The following APBB2 variants were observed in gnomAD, a reference collection of about 807,000 sequenced individuals.
APBB2 encodes Fe65-like 1.
A neutral mutation model predicts 82.5 loss-of-function variants in APBB2; 38 were observed. The ratio of observed to expected loss-of-function variants is 0.46; its 90% confidence interval spans 0.36 to 0.60. The LOEUF (loss-of-function observed/expected upper bound fraction) is 0.60, where lower values mean the gene tolerates loss of function less well. Among genes scored for constraint, APBB2 ranks in the 20% least tolerant of loss-of-function variants. APBB2 has a pLI of 0.00. For synonymous variants in APBB2, 341 were observed against 368.2 expected (o/e 0.93, Z 0.85); for missense variants, 772 against 972.3 (o/e 0.79, Z 2.74).
Position 41,140,728 on chromosome 4 carries a change from CCT to C in APBB2, c.-261+2257_-261+2258del, listed in dbSNP as rs1283642778. ...TCACGTTACCTCCTGGGCTCTGCCC[CCT>C]GACAGATCAGTGGCAGCATTAGATT... On this transcript the variant is annotated intron_variant, in intron 2 of 17. Transcript: ENST00000508593. Among the ~76,000 whole-genome samples, 7 of 152,288 alleles carry C rather than the reference CCT, an allele frequency of 4.6e-5. No homozygotes were observed. In the East Asian group the frequency reaches 9.6e-4, roughly 21 times the overall value.
intron 4 of APBB2, among the ~76,000 whole-genome samples, chr4:41,042,133 G>A (rs923248879): frequency 6.6e-6 from 1 of 152,078 alleles, no homozygotes; most frequent in African/African-American, 2.4e-5. Context: ...TGGGACTACA[G>A]GTGCGCACCA....
chr4:41,164,331 C>A (rs943095504), intron 1 of APBB2, among the ~76,000 whole-genome samples: 2 of 152,178 alleles, frequency 1.3e-5, no homozygotes, highest in Non-Finnish European at 2.9e-5. Context: ...GGGTACTCAC[C>A]TTGTACACTG....
chr4:41,193,774 A>C, intron 1 of APBB2: 1 of 153,702 alleles, frequency 6.5e-6, no homozygotes, highest in Non-Finnish European at 1.4e-5. Flanking sequence ...GAGAGAGAAA[A>C]CACACCCATG....
intron 6 of APBB2, among the ~76,000 whole-genome samples, chr4:40,988,317 A>G (rs75333443): frequency 0.11 from 16,305 of 152,248 alleles, 984 homozygotes; most frequent in Middle Eastern, 0.17. Flanking sequence ...CTACTTCCCA[A>G]CAACCCACTG....
At chr4:40,910,723 A>C (rs573112080) in intron 10 of APBB2, among the ~76,000 whole-genome samples, 112 of 152,364 alleles carry the variant, frequency 7.4e-4, no homozygotes, top group East Asian at 1.2e-3. Flanking sequence ...AAGACACTCG[A>C]GCTTGAGACA....
intron 10 of APBB2, among the ~76,000 whole-genome samples, chr4:40,932,506 A>G (rs1027461083): frequency 2.0e-5 from 3 of 152,174 alleles, no homozygotes; most frequent in Non-Finnish European, 1.5e-5. Flanking sequence ...CAAGGTTTTG[A>G]ACCTGTATGG....
chr4:40,988,921 G>A (rs551533834), intron 6 of APBB2, among the ~76,000 whole-genome samples: 5 of 151,660 alleles, frequency 3.3e-5, no homozygotes, highest in Non-Finnish European at 4.4e-5. Flanking sequence ...ATGCACCACC[G>A]CACTCAGATA....
intron 1 of APBB2, among the ~76,000 whole-genome samples, chr4:41,165,774 T>C (rs1294250729): frequency 6.6e-6 from 1 of 152,104 alleles, no homozygotes; most frequent in Non-Finnish European, 1.5e-5. Context: ...GTCACCAGCT[T>C]GATCGCCCAG....
intron 2 of APBB2, among the ~76,000 whole-genome samples, chr4:41,105,119 G>A (rs1746722476): frequency 4.6e-5 from 7 of 152,136 alleles, no homozygotes; most frequent in Admixed American, 4.6e-4. Context: ...AGGAGAGGGT[G>A]GTAGTTTTGT....
At chr4:40,917,326 G>A (rs572870201) in intron 10 of APBB2, among the ~76,000 whole-genome samples, 7 of 152,196 alleles carry the variant, frequency 4.6e-5, no homozygotes, top group Admixed American at 2.6e-4. Context: ...GATGGATGAG[G>A]CCCATCAAAG....
intron 2 of APBB2, 23 bp downstream of exon 2, chr4:41,142,964 C>G (rs958644381): frequency 2.0e-5 from 3 of 152,220 alleles, no homozygotes; most frequent in Admixed American, 6.5e-5. Flanking sequence ...CCGCTTTATC[C>G]AGCCTCTCTT....
intron 1 of APBB2, among the ~76,000 whole-genome samples, chr4:41,212,594 G>A (rs1341180773): frequency 6.6e-6 from 1 of 152,208 alleles, no homozygotes; most frequent in Non-Finnish European, 1.5e-5. Flanking sequence ...AACCTTCTGT[G>A]GAAAGGATCT....
chr4:41,105,872 C>G (rs1361524270), intron 2 of APBB2, among the ~76,000 whole-genome samples: 1 of 139,178 alleles, frequency 7.2e-6, no homozygotes, highest in Non-Finnish European at 1.5e-5. Flanking sequence ...GGCGACAGAG[C>G]GAGACCCCGT....
At chr4:40,861,592 T>C (rs900963636) in intron 12 of APBB2, among the ~76,000 whole-genome samples, 1 of 152,192 alleles carries the variant, frequency 6.6e-6, no homozygotes, top group Non-Finnish European at 1.5e-5. Context: ...AGGATATCTA[T>C]GTTAGATAAA....
At chr4:40,827,265 A>G (rs544836712) in intron 13 of APBB2, 46 bp from the exon 14 acceptor site, 2 of 1,543,396 alleles carry the variant, frequency 1.3e-6, no homozygotes, top group Non-Finnish European at 9.0e-7. Context: ...TCAAGCCCCC[A>G]TGTCTTCAGC....
intron 5 of APBB2, among the ~76,000 whole-genome samples, chr4:41,026,787 C>G (rs908554580): frequency 2.0e-5 from 3 of 152,166 alleles, no homozygotes; most frequent in South Asian, 2.1e-4. Flanking sequence ...CACTCATATA[C>G]AAGTTTTTCT....
In APBB2 at chr4:40,812,093, A is replaced by G. The variant is rs1184797582; in HGVS notation, c.*3999T>C. On this transcript the variant is annotated 3_prime_UTR_variant, in exon 18 of 18. Coordinates refer to ENST00000508593, the MANE Select transcript of APBB2 (RefSeq NM_004307.2). ...CAGCTGGCCTTCCTGATCACCAAAT[A>G]AGTACAGGGTGATTACTCAAAATTT... 1 of 152,212 alleles carries G rather than the reference A, an allele frequency of 6.6e-6. No homozygotes were observed. Among genetic ancestry groups the G allele is most frequent in the East Asian group, 1.9e-4 (1 of 5,204 alleles). 9.4% of individuals were successfully genotyped at this position (152,212 alleles called of 1,614,324 possible). A position where few individuals can be genotyped will look rare whatever the true frequency, so the allele number is the denominator to read the frequency against.
chr4:41,020,635 T>C (rs28799048), intron 5 of APBB2, among the ~76,000 whole-genome samples: 25,773 of 152,224 alleles, frequency 0.17, 2,401 homozygotes, highest in Non-Finnish European at 0.21. Context: ...CCCAAATTTA[T>C]TAGGTTATAA....
intron 1 of APBB2, among the ~76,000 whole-genome samples, chr4:41,150,405 T>C (rs2154027165): frequency 6.6e-6 from 1 of 152,308 alleles, no homozygotes; most frequent in African/African-American, 2.4e-5. Flanking sequence ...AAAACTAGAC[T>C]ACCTAGAAAG....
Sources: gnomAD v4.1 joint callset for allele counts (sites outside exome capture counted in the v4.1 genomes callset) on GRCh38, gnomAD v4.1.1 for gene constraint, MANE v1.5 for transcripts, NCBI Gene and HGNC (gene_info 2026-07-23, HGNC 2026-07-21) for gene names.